The following CAPN8 variants were observed in gnomAD, a reference collection of about 807,000 sequenced individuals.
CAPN8 encodes calpain-8.
In CAPN8, 87 loss-of-function variants were observed where a neutral mutation model predicts 80.9. The observed-to-expected ratio is 1.07, with a 90% CI of 0.90 to 1.28. CAPN8 has a LOEUF of 1.28. Among genes scored for constraint, CAPN8 ranks in the 50% most tolerant of loss-of-function variants. CAPN8 has a pLI of 0.00. For synonymous variants in CAPN8, 299 were observed against 273.8 expected, an observed-to-expected ratio of 1.09 and a Z score of -0.91; for missense variants, 757 against 702.0, an observed-to-expected ratio of 1.08 and a Z score of -0.89.
intron 2 of CAPN8, among the ~76,000 whole-genome samples, chr1:223,632,345 A>C (rs1437977686): frequency 6.6e-6 from 1 of 151,618 alleles, no homozygotes; most frequent in Non-Finnish European, 1.5e-5. Context: ...CAGCAAAAAA[A>C]CAGCTTTGAT....
chr1:223,545,867 A>G (rs982937482), intron 16 of CAPN8, among the ~76,000 whole-genome samples: 1 of 126,686 alleles, frequency 7.9e-6, no homozygotes, highest in Non-Finnish European at 1.6e-5. Flanking sequence ...TCTGTCGCCC[A>G]GGCTGGAGTA....
chr1:223,616,802 C>T (rs918824163), intron 9 of CAPN8: 1 of 152,258 alleles, frequency 6.6e-6, no homozygotes, highest in Non-Finnish European at 1.5e-5. Context: ...TGATGAGACA[C>T]ACTTTCTTCA....
At chr1:223,628,234 A>G (rs1282993086) in intron 3 of CAPN8, 92 bp from the exon 4 acceptor site, 7 of 1,401,784 alleles carry the variant, frequency 5.0e-6, no homozygotes, top group Non-Finnish European at 6.6e-6. Context: ...ACTCTGTGCC[A>G]TCAGTGTTCG....
intron 2 of CAPN8, among the ~76,000 whole-genome samples, chr1:223,652,175 C>G (rs1170919394): frequency 2.0e-5 from 3 of 152,014 alleles, no homozygotes; most frequent in Non-Finnish European, 4.4e-5. Context: ...CCTGTCTCTA[C>G]AAAAAACTAC....
intron 2 of CAPN8, among the ~76,000 whole-genome samples, chr1:223,640,087 A>G (rs1658007260): frequency 6.6e-6 from 1 of 151,906 alleles, no homozygotes; most frequent in Non-Finnish European, 1.5e-5. Context: ...CTCACTTTCC[A>G]ATTGCCACAA....
chr1:223,661,997 A>G (rs1010787331), intron 1 of CAPN8, among the ~76,000 whole-genome samples: 1 of 152,230 alleles, frequency 6.6e-6, no homozygotes. Context: ...GAAAGGAAGG[A>G]AATTTTGACA....
chr1:223,629,366 T>C (rs1484333525), intron 2 of CAPN8, among the ~76,000 whole-genome samples: 1 of 152,194 alleles, frequency 6.6e-6, no homozygotes, highest in Non-Finnish European at 1.5e-5. Flanking sequence ...TCCCTTGAGA[T>C]ACTGCTTAGC....
intron 4 of CAPN8, among the ~76,000 whole-genome samples, chr1:223,627,380 C>A (rs1022561042): frequency 6.6e-6 from 1 of 152,188 alleles, no homozygotes; most frequent in African/African-American, 2.4e-5. Context: ...CCAGCCACCC[C>A]CTCCTTTACA....
chr1:223,555,772 G>A (rs1217594055), intron 13 of CAPN8, among the ~76,000 whole-genome samples: 1 of 152,198 alleles, frequency 6.6e-6, no homozygotes, highest in Non-Finnish European at 1.5e-5. Flanking sequence ...TGGACACAAG[G>A]GAATTTTTGG....
intron 2 of CAPN8, among the ~76,000 whole-genome samples, chr1:223,630,986 T>C (rs553024382): frequency 3.0e-4 from 45 of 152,248 alleles, no homozygotes; most frequent in Non-Finnish European, 5.0e-4. Context: ...CTGTCCTCCA[T>C]TGCTCACCAA....
chr1:223,638,643 C>G (rs566840186), intron 2 of CAPN8, among the ~76,000 whole-genome samples: 1 of 152,256 alleles, frequency 6.6e-6, no homozygotes, highest in East Asian at 1.9e-4. Flanking sequence ...CTCCGGGAAT[C>G]GTAGGCAGGG....
chr1:223,543,300 C>A, intron 19 of CAPN8, 134 bp from the exon 20 acceptor site: 2 of 1,065,190 alleles, frequency 1.9e-6, no homozygotes, highest in African/African-American at 3.2e-5. Flanking sequence ...CCCCTCCAGC[C>A]CCCACCTAGG....
intron 2 of CAPN8, among the ~76,000 whole-genome samples, chr1:223,652,175 C>T (rs1170919394): frequency 6.6e-6 from 1 of 152,014 alleles, no homozygotes; most frequent in African/African-American, 2.4e-5. Context: ...CCTGTCTCTA[C>T]AAAAAACTAC....
At chr1:223,552,920 G>A (rs1289501875) in intron 14 of CAPN8, among the ~76,000 whole-genome samples, 8 of 152,140 alleles carry the variant, frequency 5.3e-5, no homozygotes, top group African/African-American at 1.4e-4. Flanking sequence ...AAAAATACTG[G>A]CCTGTAAATC....
intron 16 of CAPN8, 128 bp downstream of exon 16, chr1:223,549,190 G>A: frequency 8.3e-7 from 1 of 1,201,368 alleles, no homozygotes; most frequent in Non-Finnish European, 1.1e-6. Flanking sequence ...CTTGACATAT[G>A]CTCCATGCCT....
chr1:223,622,816 C>A lies in CAPN8; in HGVS notation c.898G>T (p.Asp300Tyr). 6.4e-7 allele frequency: 1 copy of A among 1,551,546 alleles called. No individual in the cohort carries two copies. The highest frequency in any genetic ancestry group is 1.2e-5 in the South Asian group (1 of 84,058). ...EVEWSGAWSD[D>Y]APEWNHIDPR... ...GAGAAGCGGGGGAAAAAAACCTACT[C>A]ATCGCTCCAGGCTCCCGACCACTCC... The change falls in exon 7 of 21, where the codon GAT (aspartate) becomes TAT (tyrosine). Residue 300 changes from aspartate to tyrosine, a missense_variant and splice_region_variant. Coordinates refer to ENST00000366872, the MANE Select transcript of CAPN8 (RefSeq NM_001143962.2).
rs1657447110 is a variant in CAPN8, at chr1:223,622,917, C to T, written c.814-17G>A. ...GAAATTCACCTGCAAATTCCATACA[C>T]AGAAAAGCGACTGAATTACTATGCT... On this transcript the variant is annotated splice_polypyrimidine_tract_variant and intron_variant, in intron 6 of 20. Transcript: ENST00000366872. 6.5e-7 allele frequency: 1 copy of T among 1,544,898 alleles called. No individual in the cohort carries two copies. Among genetic ancestry groups the T allele is most frequent in the Non-Finnish European group, 8.8e-7 (1 of 1,140,790 alleles).
At chr1:223,645,834 C>A (rs1050262595) in intron 2 of CAPN8, among the ~76,000 whole-genome samples, 3 of 152,240 alleles carry the variant, frequency 2.0e-5, no homozygotes, top group Admixed American at 6.5e-5. Flanking sequence ...GAGGGAGGCA[C>A]AAAGAGTCCT....
At chr1:223,634,798 A>G (rs1343218466) in intron 2 of CAPN8, among the ~76,000 whole-genome samples, 1 of 152,176 alleles carries the variant, frequency 6.6e-6, no homozygotes, top group East Asian at 1.9e-4. Context: ...CAAAGGCCCT[A>G]CCTCCTAATA....
Sources: allele counts gnomAD v4.1 joint callset (sites outside exome capture counted in the v4.1 genomes callset), GRCh38; gene constraint gnomAD v4.1.1; transcripts MANE v1.5; gene names NCBI Gene and HGNC (gene_info 2026-07-23, HGNC 2026-07-21).